Variants in DENND5B observed in about 807,000 individuals in gnomAD.
The protein encoded by DENND5B is DENN domain containing 5B, also known as DENN domain-containing protein 5B.
In DENND5B, 34 loss-of-function variants were observed where a neutral mutation model predicts 140.6. That is an observed-to-expected ratio of 0.24 (90% CI 0.18 to 0.32). The LOEUF is 0.32. DENND5B is among the 10% of genes least tolerant of loss of function. The pLI, the probability that DENND5B is intolerant of heterozygous loss-of-function variation, is 1.00. For missense variants in DENND5B, 1,142 were observed against 1,560.2 expected (o/e 0.73, Z 4.52); for synonymous variants, 551 against 562.1 (o/e 0.98, Z 0.28).
At chr12:31,527,966 A>G (rs1187899756) in intron 1 of DENND5B, among the ~76,000 whole-genome samples, 3 of 152,202 alleles carry the variant, frequency 2.0e-5, no homozygotes, top group Non-Finnish European at 4.4e-5. Context: ...AGTCAGTGTC[A>G]TGAAAAACAA....
chr12:31,517,965 T>C (rs777460541), intron 1 of DENND5B, among the ~76,000 whole-genome samples: 3 of 152,166 alleles, frequency 2.0e-5, no homozygotes, highest in Non-Finnish European at 4.4e-5. Context: ...GATGAGAAAG[T>C]GGGGGCTCCT....
intron 1 of DENND5B, among the ~76,000 whole-genome samples, chr12:31,545,285 C>T (rs769503595): frequency 5.3e-5 from 8 of 152,092 alleles, no homozygotes; most frequent in Non-Finnish European, 7.4e-5. Flanking sequence ...TGCAGGTTTG[C>T]TATTTGGGTA....
chr12:31,455,022 G>A (rs1447926204), intron 4 of DENND5B, among the ~76,000 whole-genome samples: 11 of 151,298 alleles, frequency 7.3e-5, no homozygotes, highest in Admixed American at 2.6e-4. Flanking sequence ...GGGTTTCACC[G>A]TGTTAGCCAG....
At chr12:31,429,851 C>T (rs1367077395) in intron 8 of DENND5B, among the ~76,000 whole-genome samples, 2 of 151,430 alleles carry the variant, frequency 1.3e-5, no homozygotes, top group African/African-American at 4.9e-5. Flanking sequence ...GCATTATAGG[C>T]GCGTGCTACA....
intron 1 of DENND5B, among the ~76,000 whole-genome samples, chr12:31,575,892 G>C (rs1181784860): frequency 1.3e-5 from 2 of 152,088 alleles, no homozygotes; most frequent in Non-Finnish European, 2.9e-5. Context: ...CTTGAACACG[G>C]GAGGCGGAGG....
chr12:31,458,760 G>A lies in DENND5B; in HGVS notation c.1092+1434C>T, dbSNP rs569127843. 8.5e-5 allele frequency among the ~76,000 whole-genome samples: 13 copies of A among 152,192 alleles called. No individual in the cohort carries two copies. The South Asian group carries it at 2.5e-3, about 29-fold the overall frequency. ...CTATGGGAAATAAGAACAAATAAAG[G>A]TGAATCTCAGCATGAGATTCTATTA... On this transcript the variant is annotated intron_variant, in intron 4 of 20. Coordinates refer to ENST00000389082, the MANE Select transcript of DENND5B (RefSeq NM_144973.4).
chr12:31,494,356 T>C (rs1488255083), intron 2 of DENND5B, among the ~76,000 whole-genome samples: 1 of 151,998 alleles, frequency 6.6e-6, no homozygotes, highest in Non-Finnish European at 1.5e-5. Flanking sequence ...GGCTTATAGA[T>C]GCACAACATC....
chr12:31,584,016 G>A (rs982127368), intron 1 of DENND5B, among the ~76,000 whole-genome samples: 10 of 152,148 alleles, frequency 6.6e-5, no homozygotes, highest in African/African-American at 2.4e-4. Context: ...TATAGAAGAG[G>A]AAATTGTTTT....
chr12:31,426,457 A>G, intron 8 of DENND5B, 33 bp from the exon 9 acceptor site: 1 of 1,590,566 alleles, frequency 6.3e-7, no homozygotes, highest in Non-Finnish European at 8.6e-7. Context: ...TAATGCGTAA[A>G]CATTAGCTAT....
chr12:31,527,424 T>C (rs967653555), intron 1 of DENND5B, among the ~76,000 whole-genome samples: 1 of 152,162 alleles, frequency 6.6e-6, no homozygotes, highest in Admixed American at 6.6e-5. Context: ...GGATCTGGCT[T>C]TTCCTCTGAA....
chr12:31,442,596 T>C (rs1048309784), intron 7 of DENND5B, among the ~76,000 whole-genome samples, 179 bp downstream of exon 7: 2 of 151,958 alleles, frequency 1.3e-5, no homozygotes, highest in Non-Finnish European at 2.9e-5. Flanking sequence ...TTTTAAATGA[T>C]GGATTTAAAG....
At chr12:31,443,767 TTAGCAACAG>T (rs1290326486) in intron 6 of DENND5B, 2 of 152,216 alleles carry the variant, frequency 1.3e-5, no homozygotes, top group Non-Finnish European at 2.9e-5. Context: ...TACCTCACTT[TTAGCAACAG>T]TCACGTTCTC....
intron 1 of DENND5B, among the ~76,000 whole-genome samples, chr12:31,504,966 A>C (rs758447701): frequency 1.3e-5 from 2 of 152,188 alleles, no homozygotes; most frequent in Non-Finnish European, 2.9e-5. Flanking sequence ...ATCTTTGTGA[A>C]GTAGAGTGCC....
At chr12:31,533,899 TC>T (rs1257336227) in intron 1 of DENND5B, among the ~76,000 whole-genome samples, 1 of 151,614 alleles carries the variant, frequency 6.6e-6, no homozygotes, top group Non-Finnish European at 1.5e-5. Flanking sequence ...TTTTTTTTTT[TC>T]CTTTAACTTA....
chr12:31,447,786 A>T lies in DENND5B; in HGVS notation c.1630-17T>A. 6.5e-7 allele frequency: 1 copy of T among 1,536,560 alleles called. No homozygotes were observed. The highest frequency in any genetic ancestry group is 1.2e-5 in the South Asian group (1 of 84,498). On this transcript the variant is annotated splice_polypyrimidine_tract_variant and intron_variant, in intron 5 of 20. Transcript: ENST00000389082. ...AAAGGAAGCCTGTAATGAGATAATT[A>T]GGAAATTATTAGTGCAAAGAGACCA...
At chr12:31,467,911 G>A (rs965486062) in intron 3 of DENND5B, among the ~76,000 whole-genome samples, 1 of 150,806 alleles carries the variant, frequency 6.6e-6, no homozygotes, top group Admixed American at 6.6e-5. Flanking sequence ...CAAAAACAGA[G>A]AGAGAGAGAA....
At chr12:31,538,609 G>C (rs1352066630) in intron 1 of DENND5B, among the ~76,000 whole-genome samples, 1 of 152,192 alleles carries the variant, frequency 6.6e-6, no homozygotes, top group Non-Finnish European at 1.5e-5. Context: ...GCTCACGCCT[G>C]TAATCCCAGT....
chr12:31,445,583 T>C (rs1043838760), intron 6 of DENND5B, among the ~76,000 whole-genome samples: 2 of 151,898 alleles, frequency 1.3e-5, no homozygotes, highest in Admixed American at 1.3e-4. Context: ...CATGCATCTG[T>C]AGTCCCAGCT....
intron 1 of DENND5B, among the ~76,000 whole-genome samples, chr12:31,566,709 A>G (rs1949644507): frequency 6.6e-6 from 1 of 152,262 alleles, no homozygotes; most frequent in South Asian, 2.1e-4. Flanking sequence ...CCAATTAATT[A>G]TGATGATGAA....
Sources: allele counts gnomAD v4.1 joint callset (sites outside exome capture counted in the v4.1 genomes callset), GRCh38; gene constraint gnomAD v4.1.1; transcripts MANE v1.5; gene names NCBI Gene and HGNC (gene_info 2026-07-23, HGNC 2026-07-21).